The following SLC24A2 variants were observed in gnomAD, a reference collection of about 807,000 sequenced individuals.
SLC24A2 encodes solute carrier family 24 member 2.
A neutral mutation model predicts 62.0 loss-of-function variants in SLC24A2; 36 were observed. The ratio of observed to expected loss-of-function variants is 0.58; its 90% confidence interval spans 0.44 to 0.77. SLC24A2 has a LOEUF of 0.77. Ranked by LOEUF, SLC24A2 falls within the 30% of genes least tolerant of loss-of-function variation. The pLI, the probability that SLC24A2 is intolerant of heterozygous loss-of-function variation, is 0.00. For synonymous variants in SLC24A2, 358 were observed against 294.0 expected, an observed-to-expected ratio of 1.22 and a Z score of -2.23; for missense variants, 846 against 817.9, an observed-to-expected ratio of 1.03 and a Z score of -0.42.
the SLC24A2 span, among the ~76,000 whole-genome samples, chr9:20,055,808 G>C: frequency 6.6e-6 from 1 of 152,064 alleles, no homozygotes; most frequent in Non-Finnish European, 1.5e-5. Context: ...AGAATCGCTT[G>C]AACCCAGGAT....
chr9:19,637,865 G>C (rs933242600), intron 2 of SLC24A2, among the ~76,000 whole-genome samples: 1 of 152,062 alleles, frequency 6.6e-6, no homozygotes, highest in African/African-American at 2.4e-5. Flanking sequence ...GGACAGGTGT[G>C]GAATACACAA....
At chr9:19,856,262 C>A in the SLC24A2 span, among the ~76,000 whole-genome samples, 1 of 152,140 alleles carries the variant, frequency 6.6e-6, no homozygotes, top group Non-Finnish European at 1.5e-5. Flanking sequence ...CATTATTACC[C>A]ACCTTCTGAA....
chr9:20,165,894 A>G, the SLC24A2 span, among the ~76,000 whole-genome samples: 1 of 151,968 alleles, frequency 6.6e-6, no homozygotes, highest in African/African-American at 2.4e-5. Flanking sequence ...TCACAGAAAA[A>G]GAACTATTAT....
chr9:19,906,271 G>T, the SLC24A2 span, among the ~76,000 whole-genome samples: 1 of 151,754 alleles, frequency 6.6e-6, no homozygotes, highest in African/African-American at 2.4e-5. Context: ...GATGTTCTTT[G>T]AAACCAACGA....
chr9:19,851,960 G>A, the SLC24A2 span, among the ~76,000 whole-genome samples: 8 of 152,238 alleles, frequency 5.3e-5, no homozygotes, highest in Admixed American at 1.3e-4. Context: ...CTATAAAAGC[G>A]TTCCTGTTTC....
the SLC24A2 span, among the ~76,000 whole-genome samples, chr9:20,096,088 C>T: frequency 9.3e-6 from 1 of 107,018 alleles, no homozygotes; most frequent in Non-Finnish European, 1.9e-5. Context: ...TCCATCCATC[C>T]GTCCGTCCGT....
the SLC24A2 span, among the ~76,000 whole-genome samples, chr9:19,921,149 T>C: frequency 1.3e-5 from 2 of 151,972 alleles, no homozygotes. Flanking sequence ...TGGTTACCAT[T>C]TACCTGTCTT....
chr9:20,083,349 G>T, the SLC24A2 span, among the ~76,000 whole-genome samples: 1 of 152,306 alleles, frequency 6.6e-6, no homozygotes, highest in South Asian at 2.1e-4. Flanking sequence ...TGAGCAAATG[G>T]ATACGAAACA....
At chr9:19,701,047 G>A (rs1346458566) in intron 2 of SLC24A2, among the ~76,000 whole-genome samples, 1 of 152,214 alleles carries the variant, frequency 6.6e-6, no homozygotes, top group Non-Finnish European at 1.5e-5. Flanking sequence ...AGAGGATTGA[G>A]TCCTAATTTA....
At chr9:19,623,788 T>A (rs891931194) in intron 2 of SLC24A2, among the ~76,000 whole-genome samples, 4 of 152,212 alleles carry the variant, frequency 2.6e-5, no homozygotes, top group Non-Finnish European at 5.9e-5. Flanking sequence ...ATGTGTTTTT[T>A]TCCCCCTTCT....
At chr9:19,897,621 A>T in the SLC24A2 span, among the ~76,000 whole-genome samples, 2 of 152,198 alleles carry the variant, frequency 1.3e-5, no homozygotes, top group Admixed American at 1.3e-4. Context: ...TTGATTTTTT[A>T]AAGTTTATTA....
chr9:20,165,561 G>A, the SLC24A2 span, among the ~76,000 whole-genome samples: 6 of 151,740 alleles, frequency 4.0e-5, no homozygotes, highest in African/African-American at 1.5e-4. Flanking sequence ...AGAAATAAAT[G>A]GTGTTAAGAC....
intron 2 of SLC24A2, among the ~76,000 whole-genome samples, chr9:19,720,997 C>T (rs1372866569): frequency 1.3e-5 from 2 of 151,928 alleles, no homozygotes; most frequent in African/African-American, 4.8e-5. Context: ...TGTTTAGGTA[C>T]CAGCAATTCT....
chr9:19,746,135 T>C (rs953807470), intron 2 of SLC24A2, among the ~76,000 whole-genome samples: 1 of 151,966 alleles, frequency 6.6e-6, no homozygotes, highest in African/African-American at 2.4e-5. Context: ...CACAAGTGCA[T>C]GTGAGTGCAG....
At chr9:19,965,802 C>T in the SLC24A2 span, among the ~76,000 whole-genome samples, 1 of 152,144 alleles carries the variant, frequency 6.6e-6, no homozygotes, top group South Asian at 2.1e-4. Context: ...TACCACGACC[C>T]ATCCTGCAAC....
chr9:19,885,453 C>A, the SLC24A2 span, among the ~76,000 whole-genome samples: 5 of 152,180 alleles, frequency 3.3e-5, no homozygotes, highest in East Asian at 7.7e-4. Flanking sequence ...TGTTCACATA[C>A]AATGTCTGTT....
the SLC24A2 span, among the ~76,000 whole-genome samples, chr9:20,118,163 G>T: frequency 6.6e-6 from 1 of 151,980 alleles, no homozygotes; most frequent in South Asian, 2.1e-4. Context: ...ATCTACCCCT[G>T]TGTAGAGCTG....
the SLC24A2 span, among the ~76,000 whole-genome samples, chr9:20,094,700 A>C: frequency 6.6e-6 from 1 of 152,208 alleles, no homozygotes; most frequent in African/African-American, 2.4e-5. Context: ...AAGTGAAATA[A>C]AAATTTTATC....
At chr9:20,141,935 T>G in the SLC24A2 span, among the ~76,000 whole-genome samples, 1 of 152,056 alleles carries the variant, frequency 6.6e-6, no homozygotes. Flanking sequence ...ACACGAAAAT[T>G]AGCTCAGTGT....
Sources: allele counts gnomAD v4.1 joint callset (sites outside exome capture counted in the v4.1 genomes callset), GRCh38; gene constraint gnomAD v4.1.1; transcripts MANE v1.5; gene names NCBI Gene and HGNC (gene_info 2026-07-23, HGNC 2026-07-21).